The following PCDH15 variants were observed in gnomAD, a reference collection of about 807,000 sequenced individuals.
PCDH15 encodes the protein protocadherin-15.
PCDH15 carries 129 observed loss-of-function variants against 178.5 expected under a neutral mutation model. That is an observed-to-expected ratio of 0.72 (90% CI 0.63 to 0.84). The LOEUF (loss-of-function observed/expected upper bound fraction) is 0.84, where lower values mean the gene tolerates loss of function less well. PCDH15 is among the 40% of genes least tolerant of loss of function. The probability of loss-of-function intolerance (pLI) is 0.00; values close to 1 mark genes in which losing one functional copy is unlikely to be tolerated. For missense variants in PCDH15, 2,230 were observed against 2,099.9 expected (o/e 1.06, Z -1.21); for synonymous variants, 800 against 732.0 (o/e 1.09, Z -1.50).
intron 15 of PCDH15, among the ~76,000 whole-genome samples, chr10:54,118,010 C>A (rs1225226369): frequency 6.6e-6 from 1 of 152,134 alleles, no homozygotes; most frequent in Non-Finnish European, 1.5e-5. Context: ...ATAAAGCTAC[C>A]AATGTCATTA....
At chr10:55,579,435 AACTCATCTCTGTAACTGTCCTTAACT>A (rs1238364257) in intron 2 of PCDH15, among the ~76,000 whole-genome samples, 5 of 152,286 alleles carry the variant, frequency 3.3e-5, no homozygotes, top group Non-Finnish European at 7.4e-5. Context: ...CTACTTGTAC[AACTCATCTCTGTAACTGTCCTTAACT>A]ACTCATCTCT....
chr10:54,500,232 G>C (rs542816107), intron 3 of PCDH15, among the ~76,000 whole-genome samples: 6 of 152,008 alleles, frequency 3.9e-5, no homozygotes, highest in Non-Finnish European at 8.8e-5. Flanking sequence ...ACTTATAAGT[G>C]GGAGCTAAAC....
At chr10:53,832,861 A>T (rs1450868475) in intron 29 of PCDH15, among the ~76,000 whole-genome samples, 1 of 152,062 alleles carries the variant, frequency 6.6e-6, no homozygotes, top group African/African-American at 2.4e-5. Flanking sequence ...GCCTGGTATC[A>T]CATATGAATT....
At chr10:54,285,614 T>C (rs1451618047) in intron 8 of PCDH15, among the ~76,000 whole-genome samples, 1 of 152,042 alleles carries the variant, frequency 6.6e-6, no homozygotes, top group Non-Finnish European at 1.5e-5. Context: ...TATTACACTG[T>C]TTGTGGGAAT....
At chr10:55,625,438 A>C (rs1025537531) in intron 2 of PCDH15, among the ~76,000 whole-genome samples, 4 of 152,170 alleles carry the variant, frequency 2.6e-5, no homozygotes, top group African/African-American at 9.7e-5. Context: ...ATTTCATAGA[A>C]TACTTCTTGA....
At chr10:54,218,373 C>T (rs1254453726) in intron 9 of PCDH15, among the ~76,000 whole-genome samples, 1 of 152,146 alleles carries the variant, frequency 6.6e-6, no homozygotes, top group Non-Finnish European at 1.5e-5. Flanking sequence ...TCCCCCTCAC[C>T]ATTAACAATT....
chr10:54,109,188 A>G (rs1338039333), intron 15 of PCDH15, among the ~76,000 whole-genome samples: 3 of 152,178 alleles, frequency 2.0e-5, no homozygotes, highest in Non-Finnish European at 4.4e-5. Context: ...AATTCCTCAC[A>G]AAACTATAAA....
chr10:54,749,065 A>G (rs1181125944), intron 1 of PCDH15, among the ~76,000 whole-genome samples: 2 of 152,336 alleles, frequency 1.3e-5, no homozygotes, highest in South Asian at 2.1e-4. Flanking sequence ...CTTGACTAAG[A>G]TCACAGAGTT....
intron 3 of PCDH15, among the ~76,000 whole-genome samples, chr10:54,384,542 A>C (rs1338391938): frequency 6.6e-6 from 1 of 152,150 alleles, no homozygotes; most frequent in African/African-American, 2.4e-5. Flanking sequence ...TAAGTGTCTT[A>C]AGAAAAAAAT....
chr10:55,066,567 T>C (rs1019026690), intron 2 of PCDH15, among the ~76,000 whole-genome samples: 5 of 149,812 alleles, frequency 3.3e-5, no homozygotes, highest in South Asian at 2.1e-4. Context: ...TATAGTCTTA[T>C]TTGTGAGTCT....
intron 1 of PCDH15, among the ~76,000 whole-genome samples, chr10:54,761,205 C>T (rs1947831381): frequency 6.6e-6 from 1 of 151,896 alleles, no homozygotes; most frequent in African/African-American, 2.4e-5. Context: ...CTGAATCTTG[C>T]CCCCCCAAAA....
In PCDH15 at chr10:54,485,856, A is replaced by G. The variant is rs564971819; in HGVS notation, c.157+41956T>C. Among the ~76,000 whole-genome samples, 166 of 152,196 alleles carry G rather than the reference A, an allele frequency of 1.1e-3. 1 individual carries two copies. The highest frequency in any genetic ancestry group is 3.7e-3 in the African/African-American group (155 of 41,552). Reference sequence around the variant, plus strand: ...ATTCTCGAGGCATAGCCTGGCAACAAAGAACTTGAATAAATTCTTTAAAGC... The same window carrying G: ...ATTCTCGAGGCATAGCCTGGCAACAGAGAACTTGAATAAATTCTTTAAAGC... On this transcript the variant is annotated intron_variant, in intron 3 of 37. Coordinates refer to ENST00000644397, the MANE Select transcript of PCDH15 (RefSeq NM_001384140.1).
At chr10:54,950,345 G>A (rs1838308382) in intron 2 of PCDH15, among the ~76,000 whole-genome samples, 1 of 152,118 alleles carries the variant, frequency 6.6e-6, no homozygotes, top group East Asian at 1.9e-4. Flanking sequence ...CCCATGTGTT[G>A]TGGGAGGAAC....
At chr10:54,961,422 G>C (rs1340447913) in intron 2 of PCDH15, among the ~76,000 whole-genome samples, 1 of 152,196 alleles carries the variant, frequency 6.6e-6, no homozygotes, top group Non-Finnish European at 1.5e-5. Context: ...CAGGTTTTTA[G>C]GTGGGAATAG....
chr10:54,436,261 G>T (rs1487696056), intron 3 of PCDH15, among the ~76,000 whole-genome samples: 4 of 150,902 alleles, frequency 2.7e-5, no homozygotes, highest in Non-Finnish European at 4.4e-5. Context: ...CATTTAATGG[G>T]TTTTTTTTTG....
chr10:54,546,664 A>G (rs1448090064), intron 2 of PCDH15, among the ~76,000 whole-genome samples: 1 of 152,188 alleles, frequency 6.6e-6, no homozygotes, highest in Non-Finnish European at 1.5e-5. Flanking sequence ...ATATAACGTA[A>G]GAAACACTGT....
chr10:54,783,718 G>A (rs1051290869), intron 1 of PCDH15, among the ~76,000 whole-genome samples: 2 of 152,086 alleles, frequency 1.3e-5, no homozygotes, highest in Admixed American at 1.3e-4. Context: ...AAAAGACAAA[G>A]AGAATTATGG....
intron 2 of PCDH15, among the ~76,000 whole-genome samples, chr10:55,602,366 C>T (rs1367496652): frequency 6.6e-6 from 1 of 152,114 alleles, no homozygotes; most frequent in East Asian, 1.9e-4. Flanking sequence ...CTGGGAAGCT[C>T]GAACTGGGTG....
chr10:54,771,133 G>T (rs1231972886), intron 1 of PCDH15, among the ~76,000 whole-genome samples: 1 of 152,010 alleles, frequency 6.6e-6, no homozygotes. Flanking sequence ...GAATTCATCT[G>T]CCTGAGAATA....
Sources: gnomAD v4.1 joint callset for allele counts (sites outside exome capture counted in the v4.1 genomes callset) on GRCh38, gnomAD v4.1.1 for gene constraint, MANE v1.5 for transcripts, NCBI Gene and HGNC (gene_info 2026-07-23, HGNC 2026-07-21) for gene names.